The following GGA2 variants were observed in gnomAD, a reference collection of about 807,000 sequenced individuals.
GGA2 encodes the protein golgi associated, gamma adaptin ear containing, ARF binding protein 2, also known as ADP-ribosylation factor-binding protein GGA2.
A neutral mutation model predicts 79.5 loss-of-function variants in GGA2; 48 were observed. The ratio of observed to expected loss-of-function variants is 0.60; its 90% CI spans 0.48 to 0.77. GGA2 has a LOEUF of 0.77. GGA2 is among the 30% of genes least tolerant of loss of function. The pLI is 0.00. For missense variants in GGA2, 770 were observed against 774.0 expected (o/e 0.99, Z 0.06); for synonymous variants, 317 against 302.0 (o/e 1.05, Z -0.51).
intron 12 of GGA2, 38 bp from the exon 13 acceptor site, chr16:23,478,539 T>A: frequency 6.3e-7 from 1 of 1,598,450 alleles, no homozygotes; most frequent in African/African-American, 1.3e-5. Flanking sequence ...GACCAGGGTA[T>A]GAATGACCAT....
chr16:23,520,356 T>A (rs186842755), intron 1 of GGA2, among the ~76,000 whole-genome samples: 3 of 151,170 alleles, frequency 2.0e-5, no homozygotes, highest in Non-Finnish European at 4.4e-5. Flanking sequence ...AACAAGAAAA[T>A]TGAGGTACAG....
At chr16:23,493,917 C>T (rs1377263374) in intron 3 of GGA2, 1 of 297,748 alleles carries the variant, frequency 3.4e-6, no homozygotes, top group African/African-American at 2.1e-5. Context: ...CATCTAAACA[C>T]TCAAACATAT....
chr16:23,485,179 A>T (rs1964696647), intron 8 of GGA2, among the ~76,000 whole-genome samples: 1 of 152,252 alleles, frequency 6.6e-6, no homozygotes, highest in African/African-American at 2.4e-5. Flanking sequence ...CATCCAAATA[A>T]GCAAATCCAG....
chr16:23,498,407 G>T (rs1044937351), intron 1 of GGA2, among the ~76,000 whole-genome samples: 2 of 151,934 alleles, frequency 1.3e-5, no homozygotes, highest in Non-Finnish European at 2.9e-5. Flanking sequence ...AGCCTGGGGG[G>T]ACAAAATGAG....
Position 23,470,214 on chromosome 16 carries a change from C to A in GGA2, c.1451-49G>T, listed in dbSNP as rs756826676. The A allele has an allele frequency of 1.1e-5, 15 of 1,415,718 alleles. No individual in the cohort carries two copies. In the Admixed American group the frequency reaches 1.2e-4, roughly 11 times the overall value. The allele number at this position is 1,415,718 out of a possible 1,614,324, so 87.7% of individuals were successfully genotyped here. A position where few individuals can be genotyped will look rare whatever the true frequency, so the allele number is the denominator to read the frequency against. ...AGGTTTAACACCACTACAAACCCCC[C>A]GGACAGCCAGGCTGGAAAGAGATGT... On this transcript the variant is annotated intron_variant, in intron 14 of 16. Coordinates refer to ENST00000309859, the MANE Select transcript of GGA2 (RefSeq NM_015044.4).
intron 10 of GGA2, chr16:23,480,105 A>C (rs1177255374): frequency 2.4e-5 from 13 of 531,250 alleles, no homozygotes; most frequent in Non-Finnish European, 3.7e-5. Context: ...CCCAGGGATC[A>C]TAGGCCCTCC....
At chr16:23,489,686 A>G (rs1460273667) in intron 5 of GGA2, among the ~76,000 whole-genome samples, 1 of 152,230 alleles carries the variant, frequency 6.6e-6, no homozygotes, top group Non-Finnish European at 1.5e-5. Flanking sequence ...AAAATTGTCT[A>G]CAGGCCAGTG....
At chr16:23,502,489 C>G (rs1323760219) in intron 1 of GGA2, among the ~76,000 whole-genome samples, 1 of 152,194 alleles carries the variant, frequency 6.6e-6, no homozygotes, top group Non-Finnish European at 1.5e-5. Flanking sequence ...ATTTACCCAG[C>G]TAATCTTGCT....
chr16:23,510,352 C>G lies in GGA2; in HGVS notation c.60G>C (p.Pro20=), dbSNP rs773061788. The part of the protein sequence containing the change: ...VAGTESAQGP[P]GPAASLELWL... ...ACAGCTCCAGCGACGCTGCCGGGCC[C>G]GGGGGACCCTGGGCCGACTCGGTTC... The change falls in exon 1 of 17, where the codon CCG becomes CCC. Residue 20 remains proline, a synonymous_variant. Coordinates refer to ENST00000309859, the MANE Select transcript of GGA2 (RefSeq NM_015044.4). 7.0e-7 allele frequency: 1 copy of G among 1,434,730 alleles called. No individual in the cohort carries two copies. Among genetic ancestry groups the G allele is most frequent in the Non-Finnish European group, 9.1e-7 (1 of 1,094,646 alleles). The allele number at this position is 1,434,730 out of a possible 1,614,324, so 88.9% of individuals were successfully genotyped here.
At chr16:23,504,372 C>G (rs1463914441) in intron 1 of GGA2, among the ~76,000 whole-genome samples, 1 of 152,230 alleles carries the variant, frequency 6.6e-6, no homozygotes, top group Non-Finnish European at 1.5e-5. Flanking sequence ...AGGCAAAAAG[C>G]AGGCCTGTCT....
chr16:23,497,689 CTT>C (rs1964873679), intron 1 of GGA2, among the ~76,000 whole-genome samples: 1 of 152,192 alleles, frequency 6.6e-6, no homozygotes, highest in East Asian at 1.9e-4. Context: ...CTTCTCTGAC[CTT>C]TTTATCTCCC....
chr16:23,503,302 A>T (rs527771228), intron 1 of GGA2, among the ~76,000 whole-genome samples: 135 of 152,360 alleles, frequency 8.9e-4, no homozygotes, highest in Non-Finnish European at 1.6e-3. Context: ...TAGATGAAAC[A>T]TGTTAAAACA....
At chr16:23,516,697 C>T (rs977996090) in intron 2 of GGA2, among the ~76,000 whole-genome samples, 3 of 152,190 alleles carry the variant, frequency 2.0e-5, no homozygotes, top group Admixed American at 2.0e-4. Context: ...TGCCACTCCC[C>T]ACCTGGCCAT....
chr16:23,502,753 C>T (rs1484805065), intron 1 of GGA2, among the ~76,000 whole-genome samples: 1 of 152,202 alleles, frequency 6.6e-6, no homozygotes, highest in East Asian at 1.9e-4. Context: ...ATGCAGTCAA[C>T]AATGGGAATC....
intron 2 of GGA2, among the ~76,000 whole-genome samples, chr16:23,494,635 A>G (rs112143857): frequency 0.01 from 1,584 of 152,262 alleles, 26 homozygotes; most frequent in African/African-American, 0.036. Context: ...CCAGCCCCCA[A>G]ACTCCAAGCT....
At chr16:23,498,084 A>G (rs1964878081) in intron 1 of GGA2, among the ~76,000 whole-genome samples, 1 of 152,160 alleles carries the variant, frequency 6.6e-6, no homozygotes, top group South Asian at 2.1e-4. Flanking sequence ...GTTGGAGGCC[A>G]GCCTGGGCAA....
intron 9 of GGA2, among the ~76,000 whole-genome samples, chr16:23,481,812 C>G (rs759298207): frequency 6.6e-6 from 1 of 152,136 alleles, no homozygotes; most frequent in Non-Finnish European, 1.5e-5. Flanking sequence ...AGGGCATGCA[C>G]ATGCTATCCA....
chr16:23,505,552 C>T lies in GGA2; in HGVS notation c.91+4769G>A, dbSNP rs182874195. 1.9e-3 allele frequency among the ~76,000 whole-genome samples: 289 copies of T among 152,264 alleles called. 3 individuals are homozygous for T. Among genetic ancestry groups the T allele is most frequent in the African/African-American group, 6.7e-3 (278 of 41,534 alleles). On this transcript the variant is annotated intron_variant, in intron 1 of 16. Transcript: ENST00000309859. The stretch of plus-strand genomic sequence containing the variant: ...GAATGACAGAATGCACAGGCGCTGC[C>T]GTTTGTACTTTTAAGGCATGAGATT...
At chr16:23,480,913 G>A (rs1449114353) in intron 9 of GGA2, 143 bp from the exon 10 acceptor site, 8 of 757,642 alleles carry the variant, frequency 1.1e-5, no homozygotes, top group African/African-American at 5.2e-5. Flanking sequence ...TTGTGTCATC[G>A]GACCCTATCA....
Sources: allele counts gnomAD v4.1 joint callset (sites outside exome capture counted in the v4.1 genomes callset), GRCh38; gene constraint gnomAD v4.1.1; transcripts MANE v1.5; gene names NCBI Gene and HGNC (gene_info 2026-07-23, HGNC 2026-07-21).